Variants in EYA1 observed in about 807,000 individuals in gnomAD.
EYA1 encodes protein phosphatase EYA1.
EYA1 carries 16 observed loss-of-function variants against 82.0 expected under a neutral mutation model. The observed-to-expected ratio is 0.20, with a 90% CI of 0.13 to 0.30. The LOEUF (loss-of-function observed/expected upper bound fraction) is 0.30, where lower values mean the gene tolerates loss of function less well. Among genes scored for constraint, EYA1 ranks in the 10% least tolerant of loss-of-function variants. The pLI, the probability that EYA1 is intolerant of heterozygous loss-of-function variation, is 1.00. For synonymous variants in EYA1, 261 were observed against 264.4 expected (o/e 0.99, Z 0.12); for missense variants, 633 against 730.7 (o/e 0.87, Z 1.54).
chr8:71,321,455 A>T (rs1822533686), intron 6 of EYA1, among the ~76,000 whole-genome samples: 1 of 152,258 alleles, frequency 6.6e-6, no homozygotes, highest in African/African-American at 2.4e-5. Context: ...TCCAGAGCCC[A>T]GTGCTCAAAT....
chr8:71,512,354 A>G (rs4574877), intron 2 of EYA1, among the ~76,000 whole-genome samples: 1 of 151,654 alleles, frequency 6.6e-6, no homozygotes, highest in Non-Finnish European at 1.5e-5. Flanking sequence ...AAAAGTTTTT[A>G]AAAAAAAGTT....
At chr8:71,246,881 C>T (rs1813159742) in intron 11 of EYA1, among the ~76,000 whole-genome samples, 1 of 152,046 alleles carries the variant, frequency 6.6e-6, no homozygotes, top group African/African-American at 2.4e-5. Flanking sequence ...CTGGCTATTC[C>T]TCCAGCACTG....
intron 12 of EYA1, among the ~76,000 whole-genome samples, chr8:71,221,737 C>T (rs984938845): frequency 6.6e-6 from 1 of 152,150 alleles, no homozygotes; most frequent in Non-Finnish European, 1.5e-5. Context: ...AGGCCATTTC[C>T]TGATGGTCCA....
chr8:71,230,042 T>C (rs963262074), intron 12 of EYA1, among the ~76,000 whole-genome samples: 1 of 152,186 alleles, frequency 6.6e-6, no homozygotes, highest in African/African-American at 2.4e-5. Flanking sequence ...AATACTGAAC[T>C]GAGCCCAAAT....
At chr8:71,352,376 G>C (rs1459024320) in intron 3 of EYA1, among the ~76,000 whole-genome samples, 3 of 152,176 alleles carry the variant, frequency 2.0e-5, no homozygotes, top group African/African-American at 7.2e-5. Flanking sequence ...TATCTAAACG[G>C]ACATGTAACA....
In EYA1 at chr8:71,415,101, C is replaced by A. The variant is rs549336959; in HGVS notation, c.34-58590G>T. Among the ~76,000 whole-genome samples the A allele has an allele frequency of 6.6e-5, 10 of 152,290 alleles. No homozygotes were observed. In the East Asian group the frequency reaches 1.9e-3, roughly 29 times the overall value. On this transcript the variant is annotated intron_variant, in intron 2 of 18. Transcript: ENST00000643681. ...CAGAGGCATTGGTTGCTCTGATTGACATCAGCAGTGGTGTACCGGCAATAT... is the reference window on the plus strand; with the variant it reads ...CAGAGGCATTGGTTGCTCTGATTGAAATCAGCAGTGGTGTACCGGCAATAT...
intron 12 of EYA1, among the ~76,000 whole-genome samples, chr8:71,217,562 C>A (rs1809369101): frequency 6.6e-6 from 1 of 151,356 alleles, no homozygotes; most frequent in Non-Finnish European, 1.5e-5. Flanking sequence ...TGAGTTTTAT[C>A]CTCCCTCTTT....
At chr8:71,410,783 T>C (rs1311551456) in intron 2 of EYA1, among the ~76,000 whole-genome samples, 33 of 149,610 alleles carry the variant, frequency 2.2e-4, no homozygotes, top group African/African-American at 7.9e-4. Flanking sequence ...AGAATCAATA[T>C]CGTGAAAATG....
At chr8:71,535,339 G>A (rs1814631233) in intron 2 of EYA1, among the ~76,000 whole-genome samples, 1 of 152,036 alleles carries the variant, frequency 6.6e-6, no homozygotes. Flanking sequence ...CTATTTTGAA[G>A]ACACATACAC....
At chr8:71,488,494 A>G (rs1008262742) in intron 2 of EYA1, among the ~76,000 whole-genome samples, 6 of 152,184 alleles carry the variant, frequency 3.9e-5, no homozygotes, top group African/African-American at 9.7e-5. Flanking sequence ...GTGATACTGT[A>G]TGGTTCAATT....
chr8:71,446,042 A>ATT (rs1586731428), intron 2 of EYA1, among the ~76,000 whole-genome samples: 1 of 152,182 alleles, frequency 6.6e-6, no homozygotes, highest in Admixed American at 6.5e-5. Context: ...AAATATATAT[A>ATT]TTTTTAAAAC....
intron 2 of EYA1, among the ~76,000 whole-genome samples, chr8:71,522,011 T>G (rs553957027): frequency 6.6e-6 from 1 of 152,256 alleles, no homozygotes; most frequent in East Asian, 1.9e-4. Flanking sequence ...TTGCTAAATA[T>G]TAAGAAGAAT....
chr8:71,533,012 A>G (rs529624233), intron 2 of EYA1, among the ~76,000 whole-genome samples: 1 of 152,352 alleles, frequency 6.6e-6, no homozygotes, highest in South Asian at 2.1e-4. Context: ...CCTAGGTGAA[A>G]GAAGCCAGAA....
At chr8:71,231,123 C>A (rs1375161796) in intron 12 of EYA1, among the ~76,000 whole-genome samples, 1 of 152,214 alleles carries the variant, frequency 6.6e-6, no homozygotes, top group Non-Finnish European at 1.5e-5. Context: ...AATAGTTACA[C>A]GGAATAGATC....
chr8:71,216,740 A>G lies in EYA1; in HGVS notation c.1312T>C (p.Tyr438His). ...TTGTAGATCTCTTTTACCCGTCTGT[A>G]GCGGAAGGCCAACTTTCTCATCCAG... ...VDWMRKLAFR[Y>H]RRVKEIYNTY... The change falls in exon 14 of 18, where the codon TAC (tyrosine) becomes CAC (histidine). Residue 438 changes from tyrosine to histidine, a missense_variant. Transcript: ENST00000340726. The G allele has an allele frequency of 1.2e-6, 2 of 1,612,254 alleles. No individual in the cohort carries two copies. The highest frequency in any genetic ancestry group is 1.7e-6 in the Non-Finnish European group (2 of 1,179,354).
At chr8:71,247,162 C>A (rs1813206510) in intron 11 of EYA1, among the ~76,000 whole-genome samples, 1 of 151,994 alleles carries the variant, frequency 6.6e-6, no homozygotes, top group Admixed American at 6.6e-5. Context: ...GCACTACCCA[C>A]ACCCTTCCAG....
At chr8:71,385,163 T>C (rs1828907655) in intron 2 of EYA1, among the ~76,000 whole-genome samples, 1 of 152,058 alleles carries the variant, frequency 6.6e-6, no homozygotes, top group Non-Finnish European at 1.5e-5. Flanking sequence ...TTTTATAACT[T>C]AGTAACTGAG....
In EYA1 at chr8:71,271,780, G is replaced by A; in HGVS notation, c.944C>T (p.Pro315Leu). The change falls in exon 10 of 18, where the codon CCT becomes CTT. Residue 315 changes from proline (P) to leucine (L), a missense_variant. Pro to Leu is a moderately conservative substitution (Grantham distance 98). Transcript: ENST00000340726. ...TACCTCAAGATCAGAATCTGGGGGA[G>A]GTGAAGGATTATTGTTTCTTCGGCC... ...GRGRRNNNPS[P>L]PPDSDLERVF... The A allele has an allele frequency of 1.2e-6, 2 of 1,614,212 alleles. No homozygotes were observed. The highest frequency in any genetic ancestry group is 8.5e-7 in the Non-Finnish European group (1 of 1,180,040).
At chr8:71,466,054 C>A (rs931618070) in intron 2 of EYA1, among the ~76,000 whole-genome samples, 2 of 152,106 alleles carry the variant, frequency 1.3e-5, no homozygotes, top group Non-Finnish European at 1.5e-5. Flanking sequence ...AAAGATACAC[C>A]TTTGTGCAGG....
Sources: allele counts gnomAD v4.1 joint callset (sites outside exome capture counted in the v4.1 genomes callset), GRCh38; gene constraint gnomAD v4.1.1; transcripts MANE v1.5; gene names NCBI Gene and HGNC (gene_info 2026-07-23, HGNC 2026-07-21).